The following RGS7BP variants were observed in gnomAD, a reference collection of about 807,000 sequenced individuals.
RGS7BP encodes the protein regulator of G protein signaling 7-binding protein.
A neutral mutation model predicts 31.3 loss-of-function variants in RGS7BP; 9 were observed. The ratio of observed to expected loss-of-function variants is 0.29; its 90% CI spans 0.17 to 0.50. The LOEUF is 0.50. Ranked by LOEUF, RGS7BP falls within the 20% of genes least tolerant of loss-of-function variation. RGS7BP has a pLI of 0.98. For synonymous variants in RGS7BP, 115 were observed against 120.1 expected, an observed-to-expected ratio of 0.96 and a Z score of 0.28; for missense variants, 274 against 322.0, an observed-to-expected ratio of 0.85 and a Z score of 1.14.
chr5:64,598,239 T>C, intron 4 of RGS7BP, 126 bp from the exon 5 acceptor site: 1 of 632,540 alleles, frequency 1.6e-6, no homozygotes, highest in Non-Finnish European at 2.8e-6. Context: ...ATTTGCCTAC[T>C]GGAAACTAGA....
intron 5 of RGS7BP, among the ~76,000 whole-genome samples, chr5:64,608,727 G>A (rs1743427878): frequency 6.6e-6 from 1 of 152,014 alleles, no homozygotes; most frequent in Non-Finnish European, 1.5e-5. Flanking sequence ...CACAGAACTG[G>A]CAAATAGCAG....
At position 64,530,463 on chromosome 5, in the gene RGS7BP, T is replaced by C. The variant is rs1749341536; in HGVS notation, c.332+22586T>C. 2.0e-5 allele frequency among the ~76,000 whole-genome samples: 3 copies of C among 152,238 alleles called. No individual in the cohort carries two copies. In the South Asian group the frequency reaches 6.2e-4, roughly 31 times the overall value. ...GTCCTTGGAACATACCTGTGTGATA[T>C]TTTTATTCTTGTGTAATAGACGAGG... On this transcript the variant is annotated intron_variant, in intron 2 of 5. Transcript: ENST00000334025.
At chr5:64,601,294 G>A (rs567807609) in intron 5 of RGS7BP, 96 of 176,410 alleles carry the variant, frequency 5.4e-4, no homozygotes, top group Non-Finnish European at 9.5e-4. Flanking sequence ...AAATGCTGCC[G>A]ACTGAGTCCG....
At chr5:64,609,081 G>C (rs775971002) in intron 5 of RGS7BP, 80 bp from the exon 6 acceptor site, 16 of 876,164 alleles carry the variant, frequency 1.8e-5, no homozygotes, top group Non-Finnish European at 2.5e-5. Context: ...TAGGAGGATG[G>C]TGGATTTTTA....
intron 2 of RGS7BP, among the ~76,000 whole-genome samples, chr5:64,549,706 T>C (rs931959981): frequency 6.6e-6 from 1 of 152,216 alleles, no homozygotes; most frequent in African/African-American, 2.4e-5. Flanking sequence ...ATAAGCTCTT[T>C]ATCAAGTGAT....
intron 3 of RGS7BP, among the ~76,000 whole-genome samples, chr5:64,593,542 G>T (rs1742977487): frequency 6.6e-6 from 1 of 152,124 alleles, no homozygotes; most frequent in Non-Finnish European, 1.5e-5. Context: ...AGTTATATCT[G>T]CATGACAAAA....
At chr5:64,527,971 A>C (rs1362227436) in intron 2 of RGS7BP, among the ~76,000 whole-genome samples, 1 of 152,226 alleles carries the variant, frequency 6.6e-6, no homozygotes, top group Non-Finnish European at 1.5e-5. Flanking sequence ...CTTGCATATC[A>C]GTCTGAAATA....
chr5:64,579,543 C>CAAAAAAAAAAAAAAAAAAAAAAAAAA (rs34003776), intron 3 of RGS7BP, among the ~76,000 whole-genome samples: 1 of 53,304 alleles, frequency 1.9e-5, no homozygotes, highest in Non-Finnish European at 3.1e-5. Context: ...GACTCCATCT[C>CAAAAAAAAAAAAAAAAAAAAAAAAAA]AAAAAAAAAA....
chr5:64,600,547 A>G (rs1743191326), intron 5 of RGS7BP, among the ~76,000 whole-genome samples: 1 of 152,210 alleles, frequency 6.6e-6, no homozygotes, highest in South Asian at 2.1e-4. Flanking sequence ...ACTGTGAGTG[A>G]AAACATGAGT....
At chr5:64,509,641 C>T (rs536393560) in intron 2 of RGS7BP, among the ~76,000 whole-genome samples, 1 of 152,104 alleles carries the variant, frequency 6.6e-6, no homozygotes. Context: ...CCGCCTCAGG[C>T]TCCAGAGTAG....
At chr5:64,560,618 A>G (rs1389531239) in intron 2 of RGS7BP, among the ~76,000 whole-genome samples, 3 of 151,972 alleles carry the variant, frequency 2.0e-5, no homozygotes, top group Middle Eastern at 3.4e-3. Flanking sequence ...TTTTTTATTT[A>G]TAGAAATGCA....
chr5:64,565,355 G>T (rs1180321295), intron 2 of RGS7BP, among the ~76,000 whole-genome samples: 3 of 151,876 alleles, frequency 2.0e-5, no homozygotes, highest in African/African-American at 7.3e-5. Context: ...ATATATATTT[G>T]CCTGTGTATA....
intron 3 of RGS7BP, among the ~76,000 whole-genome samples, chr5:64,592,867 T>C (rs2111952967): frequency 6.6e-6 from 1 of 152,258 alleles, no homozygotes; most frequent in South Asian, 2.1e-4. Context: ...TCCCCTCATC[T>C]CAGCTACCCC....
chr5:64,600,356 C>T (rs1285180052), intron 5 of RGS7BP, among the ~76,000 whole-genome samples: 1 of 152,060 alleles, frequency 6.6e-6, no homozygotes, highest in Non-Finnish European at 1.5e-5. Flanking sequence ...GATCATTCAT[C>T]CAGCAGTTTT....
At chr5:64,510,948 A>C (rs1373364004) in intron 2 of RGS7BP, among the ~76,000 whole-genome samples, 1 of 152,208 alleles carries the variant, frequency 6.6e-6, no homozygotes, top group African/African-American at 2.4e-5. Context: ...TGAAGGAGTA[A>C]GTGAATTTAT....
chr5:64,586,711 C>T (rs951997273), intron 3 of RGS7BP, among the ~76,000 whole-genome samples: 1 of 152,170 alleles, frequency 6.6e-6, no homozygotes, highest in East Asian at 1.9e-4. Context: ...AGCAGAGTGC[C>T]TCAGGCAGAG....
At chr5:64,543,520 C>T (rs928978829) in intron 2 of RGS7BP, among the ~76,000 whole-genome samples, 1 of 150,444 alleles carries the variant, frequency 6.6e-6, no homozygotes, top group Non-Finnish European at 1.5e-5. Context: ...AAGACAGCTC[C>T]CTCTACCTGG....
intron 5 of RGS7BP, among the ~76,000 whole-genome samples, chr5:64,605,349 C>T (rs2111982013): frequency 6.6e-6 from 1 of 152,218 alleles, no homozygotes; most frequent in African/African-American, 2.4e-5. Context: ...TTCCCTTTTG[C>T]TTACATTCTT....
intron 2 of RGS7BP, among the ~76,000 whole-genome samples, chr5:64,518,206 A>G (rs1749022240): frequency 6.6e-6 from 1 of 152,162 alleles, no homozygotes; most frequent in South Asian, 2.1e-4. Flanking sequence ...CCTTTTCATC[A>G]TATATAACAG....
Sources: allele counts gnomAD v4.1 joint callset (sites outside exome capture counted in the v4.1 genomes callset), GRCh38; gene constraint gnomAD v4.1.1; transcripts MANE v1.5; gene names NCBI Gene and HGNC (gene_info 2026-07-23, HGNC 2026-07-21).